ZNF704: variants seen among roughly 807,000 people sequenced by gnomAD.
ZNF704 encodes glucocorticoid induced gene 1.
In ZNF704, 10 loss-of-function variants were observed where a neutral mutation model predicts 44.7. The observed-to-expected ratio is 0.22, with a 90% CI of 0.14 to 0.38. ZNF704 has a LOEUF of 0.38. Among genes scored for constraint, ZNF704 ranks in the 10% least tolerant of loss-of-function variants. ZNF704 has a pLI of 1.00. For missense variants in ZNF704, 390 were observed against 545.5 expected, an observed-to-expected ratio of 0.71 and a Z score of 2.84; for synonymous variants, 211 against 207.6, an observed-to-expected ratio of 1.02 and a Z score of -0.14.
chr8:80,769,046 C>T (rs1016653578), intron 2 of ZNF704, among the ~76,000 whole-genome samples: 8 of 151,978 alleles, frequency 5.3e-5, no homozygotes, highest in African/African-American at 1.9e-4. Context: ...ATGTGTGGAC[C>T]AACAAAAATA....
chr8:80,875,360 A>G (rs1007676877), upstream of ZNF704, among the ~76,000 whole-genome samples: 2 of 151,846 alleles, frequency 1.3e-5, no homozygotes, highest in African/African-American at 4.8e-5. Flanking sequence ...GCTGGAGTGC[A>G]ATGTCATGGT....
chr8:80,808,747 A>G (rs762218719), intron 2 of ZNF704, among the ~76,000 whole-genome samples: 22 of 152,242 alleles, frequency 1.4e-4, no homozygotes, highest in Non-Finnish European at 2.5e-4. Context: ...GCAAAATTAC[A>G]TTGCATGTGC....
chr8:80,641,569 G>GAAAAA, intron 8 of ZNF704, 92 bp from the exon 9 acceptor site: 1 of 360,906 alleles, frequency 2.8e-6, no homozygotes, highest in Non-Finnish European at 4.6e-6. Context: ...AGTGAGGGAG[G>GAAAAA]AAAAAAAAAA....
At chr8:80,814,414 T>A (rs1340567042) in intron 2 of ZNF704, among the ~76,000 whole-genome samples, 1 of 152,220 alleles carries the variant, frequency 6.6e-6, no homozygotes, top group Admixed American at 6.5e-5. Flanking sequence ...TCCATGACTA[T>A]ACTTGAGTTT....
intron 5 of ZNF704, among the ~76,000 whole-genome samples, chr8:80,668,100 A>G (rs1818223545): frequency 6.6e-6 from 1 of 152,246 alleles, no homozygotes; most frequent in Non-Finnish European, 1.5e-5. Flanking sequence ...GAAAGTTTTG[A>G]GTAAAATAAA....
intron 2 of ZNF704, among the ~76,000 whole-genome samples, chr8:80,742,781 C>T (rs757844732): frequency 3.3e-5 from 5 of 152,120 alleles, no homozygotes; most frequent in Non-Finnish European, 5.9e-5. Flanking sequence ...CCCTACTACA[C>T]TCCAATTCAG....
chr8:80,641,595 T>C (rs1424604051), intron 8 of ZNF704, 118 bp from the exon 9 acceptor site: 2 of 569,552 alleles, frequency 3.5e-6, no homozygotes, highest in East Asian at 3.2e-5. Flanking sequence ...AGGCTGGCCA[T>C]GGTGGCTCAT....
At chr8:80,861,621 G>A (rs1216907953) in intron 1 of ZNF704, among the ~76,000 whole-genome samples, 2 of 152,042 alleles carry the variant, frequency 1.3e-5, no homozygotes, top group African/African-American at 4.8e-5. Context: ...GAGACAGACA[G>A]AGAAATGTAG....
chr8:80,772,676 AT>A (rs1280723141), intron 2 of ZNF704, among the ~76,000 whole-genome samples: 1 of 152,094 alleles, frequency 6.6e-6, no homozygotes, highest in Non-Finnish European at 1.5e-5. Flanking sequence ...TCAGCATGCG[AT>A]TTGGGTGGGG....
In ZNF704 at chr8:80,826,058, G is replaced by T. The variant is rs553569743; in HGVS notation, c.-21-4443C>A. Reference sequence around the variant, plus strand: ...AAACACATCCAAAAGCTAGCAGAAGGCAAGAAATAACTAAGATCAGAGCAG... The same window carrying T: ...AAACACATCCAAAAGCTAGCAGAAGTCAAGAAATAACTAAGATCAGAGCAG... On this transcript the variant is annotated intron_variant, in intron 1 of 8. Coordinates refer to ENST00000327835, the MANE Select transcript of ZNF704 (RefSeq NM_001033723.3). Among the ~76,000 whole-genome samples the T allele has an allele frequency of 3.2e-4, 47 of 146,230 alleles. No homozygotes were observed. The East Asian group carries it at 8.7e-3, about 27-fold the overall frequency.
intron 2 of ZNF704, among the ~76,000 whole-genome samples, chr8:80,702,679 G>A (rs1329024134): frequency 1.3e-5 from 2 of 152,152 alleles, no homozygotes; most frequent in Non-Finnish European, 2.9e-5. Context: ...ACACAAAAGC[G>A]AAGGCGAGAT....
intron 2 of ZNF704, among the ~76,000 whole-genome samples, chr8:80,796,451 TACC>T (rs1807802061): frequency 6.6e-6 from 1 of 152,184 alleles, no homozygotes; most frequent in African/African-American, 2.4e-5. Flanking sequence ...CACCTCTCAA[TACC>T]ACCACATTGG....
At position 80,702,118 on chromosome 8, in the gene ZNF704, G is replaced by A. The variant is rs565898086; in HGVS notation, c.222-9011C>T. ...TGGGGCAGCATGATGAGGGTCCTGG[G>A]CTCCAATGGAAGTAGCTTTAGACAA... is the stretch of plus-strand genomic sequence containing the variant. On this transcript the variant is annotated intron_variant, in intron 2 of 8. Coordinates refer to ENST00000327835, the MANE Select transcript of ZNF704 (RefSeq NM_001033723.3). Among the ~76,000 whole-genome samples the A allele has an allele frequency of 1.8e-4, 27 of 152,272 alleles. No individual in the cohort carries two copies. The South Asian group carries it at 5.6e-3, about 32-fold the overall frequency.
chr8:80,693,174 A>ACACGCTGT (rs1186285804), intron 2 of ZNF704, 67 bp from the exon 3 acceptor site: 7 of 1,313,348 alleles, frequency 5.3e-6, no homozygotes, highest in African/African-American at 1.4e-5. Flanking sequence ...ACAAGGTGTG[A>ACACGCTGT]CACGCTGTCA....
At chr8:80,787,974 G>A (rs1316406161) in intron 2 of ZNF704, among the ~76,000 whole-genome samples, 1 of 152,110 alleles carries the variant, frequency 6.6e-6, no homozygotes, top group Non-Finnish European at 1.5e-5. Context: ...TGATTTAGCC[G>A]GTTCCTACTT....
Position 80,670,418 on chromosome 8 carries a change from C to T in ZNF704, c.659+85G>A. 4 of 969,980 alleles carry T rather than the reference C, an allele frequency of 4.1e-6. No individual in the cohort carries two copies. In the East Asian group the frequency reaches 9.6e-5, roughly 23 times the overall value. The allele number at this position is 969,980 out of a possible 1,614,324, so 60.1% of individuals were successfully genotyped here. On this transcript the variant is annotated intron_variant, in intron 5 of 8. Transcript: ENST00000327835. ...AGCCCAGTGTCCAGAACCTTTAAGG[C>T]ACAGTGTGGTGTGCAATTTCTGAGT...
intron 2 of ZNF704, among the ~76,000 whole-genome samples, chr8:80,729,452 G>A (rs1313496364): frequency 6.6e-6 from 1 of 152,184 alleles, no homozygotes; most frequent in Non-Finnish European, 1.5e-5. Context: ...TGCCTGGCGT[G>A]CAGAAGGAGC....
At chr8:80,840,168 C>T (rs529508674) in intron 1 of ZNF704, among the ~76,000 whole-genome samples, 1 of 152,314 alleles carries the variant, frequency 6.6e-6, no homozygotes, top group Admixed American at 6.5e-5. Context: ...AATCAGGAGA[C>T]AGAAGAGATT....
chr8:80,657,101 T>C (rs1818027735), intron 7 of ZNF704, among the ~76,000 whole-genome samples: 1 of 152,100 alleles, frequency 6.6e-6, no homozygotes, highest in Non-Finnish European at 1.5e-5. Context: ...CAGTCCTGCA[T>C]CTGTGTGGGT....
Sources: gnomAD v4.1 joint callset for allele counts (sites outside exome capture counted in the v4.1 genomes callset) on GRCh38, gnomAD v4.1.1 for gene constraint, MANE v1.5 for transcripts, NCBI Gene and HGNC (gene_info 2026-07-23, HGNC 2026-07-21) for gene names.